The following WNK1 variants were observed in gnomAD, a reference collection of about 807,000 sequenced individuals.
WNK1 encodes the protein serine/threonine-protein kinase WNK1.
Under a neutral mutation model 222.8 loss-of-function variants are expected in WNK1, and 38 were observed. The observed-to-expected ratio is 0.17, with a 90% CI of 0.13 to 0.22. The LOEUF (loss-of-function observed/expected upper bound fraction) is 0.22. WNK1 is among the 10% of genes least tolerant of loss of function. The pLI, the probability that WNK1 is intolerant of heterozygous loss-of-function variation, is 1.00. For missense variants in WNK1, 2,348 were observed against 2,918.4 expected (o/e 0.80, Z 4.50); for synonymous variants, 1,090 against 1,092.9 (o/e 1.00, Z 0.05).
intron 1 of WNK1, among the ~76,000 whole-genome samples, chr12:766,297 A>T (rs1371767704): frequency 1.3e-5 from 2 of 152,184 alleles, no homozygotes; most frequent in African/African-American, 2.4e-5. Context: ...CATGAACAAA[A>T]TAAGTGTAGG....
intron 9 of WNK1, among the ~76,000 whole-genome samples, chr12:873,565 G>A (rs950066545): frequency 1.3e-5 from 2 of 152,140 alleles, no homozygotes; most frequent in Admixed American, 6.5e-5. Context: ...TAATAAGGGA[G>A]CTACAAATTA....
At chr12:889,446 G>A (rs756202408) in intron 21 of WNK1, among the ~76,000 whole-genome samples, 2 of 152,170 alleles carry the variant, frequency 1.3e-5, no homozygotes, top group African/African-American at 2.4e-5. Flanking sequence ...TTAGTTGTAC[G>A]TCTGGTCAGA....
chr12:831,685 A>T (rs909997959), intron 4 of WNK1, among the ~76,000 whole-genome samples: 10 of 152,080 alleles, frequency 6.6e-5, no homozygotes, highest in Non-Finnish European at 1.3e-4. Context: ...TTGTAACATA[A>T]TGAGTTATAA....
Position 879,598 on chromosome 12 carries a change from C to G in WNK1, c.2399C>G (p.Thr800Ser). The G allele has an allele frequency of 6.9e-7, 1 of 1,458,864 alleles. No individual in the cohort carries two copies. Among genetic ancestry groups the G allele is most frequent in the Non-Finnish European group, 9.2e-7 (1 of 1,085,676 alleles). The allele number at this position is 1,458,864 out of a possible 1,614,324, so 90.4% of individuals were successfully genotyped here. A position where few individuals can be genotyped will look rare whatever the true frequency, so the allele number is the denominator to read the frequency against. The change falls in exon 11 of 28, where the codon ACT becomes AGT. Residue 800 changes from threonine (T) to serine (S), a missense_variant. Around this residue, in one of 13 missense-constraint regions of WNK1, gnomAD observed 547 missense variants for 558.3 expected, o/e 0.98. Coordinates refer to ENST00000315939, the MANE Select transcript of WNK1 (RefSeq NM_018979.4). ...KQLPVSQPVP[T>S]IQGEPQIPVA... Reference sequence around the variant, plus strand: ...CTTCCAGTTTCCCAGCCAGTACCAACTATCCAAGGCGAACCTCAGATCCCA... The same window carrying G: ...CTTCCAGTTTCCCAGCCAGTACCAAGTATCCAAGGCGAACCTCAGATCCCA...
intron 1 of WNK1, among the ~76,000 whole-genome samples, chr12:761,072 G>A (rs915322731): frequency 2.7e-5 from 4 of 146,302 alleles, no homozygotes; most frequent in African/African-American, 7.3e-5. Context: ...GGCATGAGCC[G>A]CCGTTCCTGG....
intron 25 of WNK1, among the ~76,000 whole-genome samples, chr12:898,212 C>T (rs569656761): frequency 9.2e-5 from 14 of 152,134 alleles, no homozygotes; most frequent in Middle Eastern, 3.4e-3. Flanking sequence ...TGGTTAGGCA[C>T]GGTGGCTCAC....
At chr12:832,504 C>A (rs1412241943) in intron 4 of WNK1, among the ~76,000 whole-genome samples, 1 of 152,098 alleles carries the variant, frequency 6.6e-6, no homozygotes, top group Non-Finnish European at 1.5e-5. Flanking sequence ...CCTTCAATAT[C>A]CTTGTTGTAT....
rs759243697 is a variant in WNK1, at chr12:896,728, G to A, written c.6241G>A (p.Asp2081Asn). The A allele has an allele frequency of 6.2e-7, 1 of 1,608,924 alleles. No individual in the cohort carries two copies. The highest frequency in any genetic ancestry group is 8.5e-7 in the Non-Finnish European group (1 of 1,179,272). The change falls in exon 24 of 28, where the codon GAT becomes AAT. Residue 2081 changes from aspartate to asparagine, a missense_variant. Transcript: ENST00000315939. Reference sequence around the variant, plus strand: ...AAAGTTAGAGCTGCGACGACTACGAGATAAGTAAGTATATTTTCTCTTGTG... The same window carrying A: ...AAAGTTAGAGCTGCGACGACTACGAAATAAGTAAGTATATTTTCTCTTGTG... ...DLKLELRRLR[D>N]KHLKEIQDLQ...
At chr12:839,709 A>G (rs535388999) in intron 4 of WNK1, among the ~76,000 whole-genome samples, 14 of 152,054 alleles carry the variant, frequency 9.2e-5, no homozygotes, top group African/African-American at 2.9e-4. Context: ...TATTTTATTT[A>G]CTAACTTACC....
rs185256229 is a variant in WNK1, at chr12:839,712, A to C, written c.1311+9552A>C. On this transcript the variant is annotated intron_variant, in intron 4 of 27. Coordinates refer to ENST00000315939, the MANE Select transcript of WNK1 (RefSeq NM_018979.4). ...AAATGTTTTATATATTTTATTTACT[A>C]ACTTACCAATCATTACTTTTTTTGA... Among the ~76,000 whole-genome samples, 294 of 151,968 alleles carry C rather than the reference A, an allele frequency of 1.9e-3. 2 individuals are homozygous for C. The highest frequency in any genetic ancestry group is 5.7e-3 in the Admixed American group (87 of 15,242).
rs1459146456 is a variant in WNK1, at chr12:761,865, A to G, written c.759+7541A>G. On this transcript the variant is annotated intron_variant, in intron 1 of 27. Transcript: ENST00000315939. ...AAGAGTTACTAGATATCATTGTCAT[A>G]TTAAAATGTTCTTTGAACTCTCCAT... Among the ~76,000 whole-genome samples the G allele has an allele frequency of 1.4e-5, 2 of 146,936 alleles. 1 individual carries two copies. Among genetic ancestry groups the G allele is most frequent in the Non-Finnish European group, 3.0e-5 (2 of 65,812 alleles).
chr12:859,883 T>G (rs1484465477), intron 6 of WNK1, among the ~76,000 whole-genome samples: 1 of 151,722 alleles, frequency 6.6e-6, no homozygotes. Context: ...ACCTGACTAA[T>G]TTTTGTATTT....
At chr12:796,236 T>C (rs775020414) in intron 1 of WNK1, among the ~76,000 whole-genome samples, 16 of 152,232 alleles carry the variant, frequency 1.1e-4, no homozygotes, top group Middle Eastern at 3.4e-3. Flanking sequence ...CATTTTAAAT[T>C]AATCTGCCTT....
At chr12:806,853 C>A (rs1946407338) in intron 1 of WNK1, among the ~76,000 whole-genome samples, 1 of 152,158 alleles carries the variant, frequency 6.6e-6, no homozygotes, top group African/African-American at 2.4e-5. Flanking sequence ...CCTTGCCAGG[C>A]ATAAAGATAT....
intron 1 of WNK1, among the ~76,000 whole-genome samples, chr12:758,249 C>G (rs1047054758): frequency 1.4e-5 from 2 of 143,704 alleles, no homozygotes; most frequent in African/African-American, 5.0e-5. Flanking sequence ...TTTTCTCTGT[C>G]TTTTATTAAG....
intron 1 of WNK1, among the ~76,000 whole-genome samples, chr12:769,125 GA>G (rs763616285): frequency 6.6e-6 from 1 of 151,006 alleles, no homozygotes; most frequent in African/African-American, 2.4e-5. Context: ...AGTATTTAAA[GA>G]AAAAACAAAA....
In WNK1 at chr12:879,454, T is replaced by G. The variant is rs574776341; in HGVS notation, c.2374-119T>G. The G allele has an allele frequency of 6.1e-4, 444 of 723,850 alleles. 6 individuals are homozygous for G. The highest frequency in any genetic ancestry group is 3.5e-3 in the Middle Eastern group (9 of 2,588). The allele number at this position is 723,850 out of a possible 1,614,324, so 44.8% of individuals were successfully genotyped here. A position where few individuals can be genotyped will look rare whatever the true frequency, so the allele number is the denominator to read the frequency against. On this transcript the variant is annotated intron_variant, in intron 10 of 27. Coordinates refer to ENST00000315939, the MANE Select transcript of WNK1 (RefSeq NM_018979.4). ...GGTTTTGTTGGTTTGGTGTTTTTTT[T>G]TTTGTTTGTTTTTTCCTTCTTTTTG...
At chr12:823,422 A>G (rs374631851) in intron 2 of WNK1, among the ~76,000 whole-genome samples, 1 of 152,072 alleles carries the variant, frequency 6.6e-6, no homozygotes, top group Non-Finnish European at 1.5e-5. Flanking sequence ...ATTTTGCTCA[A>G]CTTGATGGTG....
rs1018168849 is a variant in WNK1 at position 885,568 on chromosome 12, T to C, written c.4764T>C (p.Pro1588=). The C allele has an allele frequency of 3.7e-6, 6 of 1,614,156 alleles. No individual in the cohort carries two copies. In the Admixed American group the frequency reaches 1.0e-4, roughly 27 times the overall value. The change falls in exon 19 of 28, where the codon CCT becomes CCC. Residue 1588 remains proline, a synonymous_variant. Coordinates refer to ENST00000315939, the MANE Select transcript of WNK1 (RefSeq NM_018979.4). ...CTATTCTTCCCCAAGCAGCAGGACC[T>C]ACTTCTACACCTTTATTACCCCAAG... ...STPILPQAAG[P]TSTPLLPQVP...
Sources: gnomAD v4.1 joint callset for allele counts (sites outside exome capture counted in the v4.1 genomes callset) on GRCh38, gnomAD v4.1.1 for gene constraint, gnomAD v4.1.1 regional missense constraint, MANE v1.5 for transcripts, NCBI Gene and HGNC (gene_info 2026-07-23, HGNC 2026-07-21) for gene names.